MAMDC4: variants seen among roughly 807,000 people sequenced by gnomAD.
MAMDC4 encodes apical endosomal glycoprotein.
In MAMDC4, 168 loss-of-function variants were observed where a neutral mutation model predicts 153.3. That is an observed-to-expected ratio of 1.10 (90% confidence interval 0.97 to 1.25). The LOEUF is 1.25. Ranked by LOEUF, MAMDC4 falls within the 50% of genes most tolerant of loss-of-function variation. The pLI, the probability that MAMDC4 is intolerant of heterozygous loss-of-function variation, is 0.00. For synonymous variants in MAMDC4, 744 were observed against 651.5 expected, an observed-to-expected ratio of 1.14 and a Z score of -2.16; for missense variants, 1,701 against 1,542.8, an observed-to-expected ratio of 1.10 and a Z score of -1.72.
At chr9:136,857,103 C>G in intron 16 of MAMDC4, 62 bp downstream of exon 16, 1 of 1,603,894 alleles carries the variant, frequency 6.2e-7, no homozygotes, top group Non-Finnish European at 8.5e-7. Flanking sequence ...CAGAGTCCCC[C>G]GCTCTGACAC....
rs548682998 is a variant in MAMDC4, at chr9:136,852,573, A to G, written c.46+111A>G. 2.9e-6 allele frequency: 4 copies of G among 1,383,956 alleles called. No individual in the cohort carries two copies. In the East Asian group the frequency reaches 6.9e-5, roughly 24 times the overall value. 85.7% of individuals were successfully genotyped at this position (1,383,956 alleles called of 1,614,324 possible). Reference sequence around the variant, plus strand: ...GGCTGATGCCTGAGCCCCAAAGGGAAGGAGGGTTGCAAGGTACTACCTTGG... The same window carrying G: ...GGCTGATGCCTGAGCCCCAAAGGGAGGGAGGGTTGCAAGGTACTACCTTGG... On this transcript the variant is annotated intron_variant, in intron 1 of 26. Coordinates refer to ENST00000317446, the MANE Select transcript of MAMDC4 (RefSeq NM_206920.3).
In MAMDC4 at chr9:136,855,501, G is replaced by T. The variant is rs780222733; in HGVS notation, c.1353G>T (p.Ser451=). Residue 451 remains serine (S), a synonymous_variant, in exon 12 of 27, where the codon TCG becomes TCT. Transcript: ENST00000317446. ...CCCCCCAGCCCCTGCCGCCCAGCTCGCGGCTCCAGGATTCCTGCAAGCAGG... is the reference window on the plus strand; with the variant it reads ...CCCCCCAGCCCCTGCCGCCCAGCTCTCGGCTCCAGGATTCCTGCAAGCAGG... ...APAPQPLPPS[S]RLQDSCKQGH... 6.3e-7 allele frequency: 1 copy of T among 1,595,830 alleles called. No individual in the cohort carries two copies. Among genetic ancestry groups the T allele is most frequent in the South Asian group, 1.1e-5 (1 of 89,004 alleles).
In MAMDC4 at chr9:136,860,785, A is replaced by G. The variant is rs1849079973; in HGVS notation, c.*182A>G. The G allele has an allele frequency of 1.6e-6, 1 of 622,238 alleles. No homozygotes were observed. Among genetic ancestry groups the G allele is most frequent in the Non-Finnish European group, 2.8e-6 (1 of 361,624 alleles). The allele number at this position is 622,238 out of a possible 1,614,324, so 38.5% of individuals were successfully genotyped here. On this transcript the variant is annotated 3_prime_UTR_variant, in exon 27 of 27. Coordinates refer to ENST00000317446, the MANE Select transcript of MAMDC4 (RefSeq NM_206920.3). ...GCTCTGTGAATAAACACCCTGGCCCATGAGGGCAGCCCAAGCTCCCAGGGT... is the reference window on the plus strand; with the variant it reads ...GCTCTGTGAATAAACACCCTGGCCCGTGAGGGCAGCCCAAGCTCCCAGGGT...
In MAMDC4 at chr9:136,854,622, G is replaced by T. The variant is rs748900951; in HGVS notation, c.880G>T (p.Gly294Cys). 41 of 1,607,844 alleles carry T rather than the reference G, an allele frequency of 2.5e-5. 1 individual carries two copies. The highest frequency in any genetic ancestry group is 3.5e-5 in the Non-Finnish European group (41 of 1,178,062). The change falls in exon 8 of 27, where the codon GGT becomes TGT. Residue 294 changes from glycine (G) to cysteine (C), a missense_variant. Gly to Cys is a radical substitution (Grantham distance 159). Coordinates refer to ENST00000317446, the MANE Select transcript of MAMDC4 (RefSeq NM_206920.3). ...CTGGTCCCGGAACCACCGCGCTGGT[G>T]GTCCTGAGCGCCCCTCCTGGCCACG... ...EGWSRNHRAG[G>C]PERPSWPRRD...
In MAMDC4 at chr9:136,855,730, A is replaced by AG; in HGVS notation, c.1472dup. 1 of 1,575,622 alleles carries AG rather than the reference A, an allele frequency of 6.3e-7. No homozygotes were observed. The highest frequency in any genetic ancestry group is 8.6e-7 in the Non-Finnish European group (1 of 1,161,768). On this transcript the variant is annotated splice_acceptor_variant, in intron 12 of 26. Transcript: ENST00000317446. LOFTEE classifies it high-confidence loss of function. ...GCCATTCAGTGCCGGCTGCTGTTCCAGGCACCACAGACTTTGAGTCCCCCG... is the reference window on the plus strand; with the variant it reads ...GCCATTCAGTGCCGGCTGCTGTTCCAGGGCACCACAGACTTTGAGTCCCCCG...
chr9:136,859,622 G>A (rs1327002061), intron 25 of MAMDC4: 15 of 591,872 alleles, frequency 2.5e-5, no homozygotes, highest in East Asian at 5.8e-5. Flanking sequence ...ACCGCCAGCC[G>A]GGTCAGGGCA....
At chr9:136,857,615 GAGGGGCTGGCC>G (rs745668777) in intron 18 of MAMDC4, 29 bp downstream of exon 18, 10 of 1,612,492 alleles carry the variant, frequency 6.2e-6, no homozygotes, top group African/African-American at 2.7e-5. Flanking sequence ...GGCAGGGATT[GAGGGGCTGGCC>G]AGGGGCTGGC....
At position 136,858,773 on chromosome 9, in the gene MAMDC4, G is replaced by T. The variant is rs755642907; in HGVS notation, c.2876G>T (p.Trp959Leu). ...CTGGGCCCCGGGGGCCGGGCCGCCT[G>T]GCTGCGCAGCGAGCCTCTGCCGGCC... ...GVLGPGGRAA[W>L]LRSEPLPATP... Residue 959 changes from tryptophan to leucine, a missense_variant, in exon 23 of 27, where the codon TGG becomes TTG. Transcript: ENST00000317446. 1 of 1,610,790 alleles carries T rather than the reference G, an allele frequency of 6.2e-7. No homozygotes were observed. Among genetic ancestry groups the T allele is most frequent in the Admixed American group, 1.7e-5 (1 of 59,642 alleles).
rs762733709 is a variant in MAMDC4, at chr9:136,855,591, C to T, written c.1443C>T (p.Cys481=). 1.7e-5 allele frequency: 27 copies of T among 1,586,800 alleles called. No individual in the cohort carries two copies. The Admixed American group carries it at 2.1e-4, about 13-fold the overall frequency. The part of the protein sequence containing the change: ...PEQLCDFEEQ[C]AGGEDEQACG... ...AACTGTGTGACTTCGAGGAGCAGTG[C>T]GCAGGGGGCGAGGACGAGCAGGCCT... is the stretch of plus-strand genomic sequence containing the variant. The change falls in exon 12 of 27, where the codon TGC becomes TGT. Residue 481 remains cysteine, a synonymous_variant. Coordinates refer to ENST00000317446, the MANE Select transcript of MAMDC4 (RefSeq NM_206920.3).
At chr9:136,854,510 G>A (rs754062585) in intron 7 of MAMDC4, 29 bp from the exon 8 acceptor site, 1 of 1,586,882 alleles carries the variant, frequency 6.3e-7, no homozygotes, top group East Asian at 2.3e-5. Flanking sequence ...ACTGCCTGGT[G>A]GCCCTGACAC....
rs199846019 is a variant in MAMDC4 at position 136,853,812 on chromosome 9, G to A, written c.490G>A (p.Ala164Thr). ...AELRVELTHGAETLTLWQSTG... is the reference protein window; with the variant it reads ...AELRVELTHGTETLTLWQSTG... ...ACTGCGGGTGGAGCTGACCCATGGCGCAGAGACCCTGACCCTGTGGCAGAG... is the reference window on the plus strand; with the variant it reads ...ACTGCGGGTGGAGCTGACCCATGGCACAGAGACCCTGACCCTGTGGCAGAG... The change falls in exon 5 of 27, where the codon GCA (alanine) becomes ACA (threonine). Residue 164 changes from alanine (A) to threonine (T), a missense_variant. Coordinates refer to ENST00000317446, the MANE Select transcript of MAMDC4 (RefSeq NM_206920.3). 83 of 1,612,050 alleles carry A rather than the reference G, an allele frequency of 5.1e-5. No homozygotes were observed. Among genetic ancestry groups the A allele is most frequent in the Middle Eastern group, 3.3e-4 (2 of 6,050 alleles).
rs909249544 is a variant in MAMDC4 at position 136,857,946 on chromosome 9, C to G, written c.2465-33C>G. ...GACCAGGGCCTGCAGGTGCTCTCCCCACACTGCTGACCTGGGCCGCCCCTG... is the reference window on the plus strand; with the variant it reads ...GACCAGGGCCTGCAGGTGCTCTCCCGACACTGCTGACCTGGGCCGCCCCTG... On this transcript the variant is annotated intron_variant, in intron 19 of 26. Transcript: ENST00000317446. 1.0e-5 allele frequency: 15 copies of G among 1,482,520 alleles called. No individual in the cohort carries two copies. In the African/African-American group the frequency reaches 1.4e-4, roughly 14 times the overall value. The allele number at this position is 1,482,520 out of a possible 1,614,324, so 91.8% of individuals were successfully genotyped here.
At position 136,855,047 on chromosome 9, in the gene MAMDC4, A is replaced by C; in HGVS notation, c.1134A>C (p.Arg378=). The stretch of plus-strand genomic sequence containing the variant: ...CCCCCGTCCTGCTGCGGAGGCGCCG[A>C]GGGGAGCTGGGGACCGCCTGGGTCC... The part of the protein sequence containing the change: ...PRAPVLLRRR[R]GELGTAWVRD... The change falls in exon 10 of 27, where the codon CGA becomes CGC. Residue 378 remains arginine (R), a synonymous_variant. Transcript: ENST00000317446. 1 of 1,606,560 alleles carries C rather than the reference A, an allele frequency of 6.2e-7. No homozygotes were observed. The highest frequency in any genetic ancestry group is 8.5e-7 in the Non-Finnish European group (1 of 1,177,942).
At position 136,856,925 on chromosome 9, in the gene MAMDC4, A is replaced by G. The variant is rs747193874; in HGVS notation, c.1856A>G (p.Asp619Gly). The change falls in exon 16 of 27, where the codon GAC (aspartate) becomes GGC (glycine). Residue 619 changes from aspartate (D) to glycine (G), a missense_variant. By Grantham distance (94) the Asp-to-Gly change is moderately conservative (BLOSUM62 -1). Transcript: ENST00000317446. ...TTGQGHFVLL[D>G]PTDPLAWGHS... ...CCTGCAGGCCACTTTGTGCTCCTGG[A>G]CCCCACAGACCCCCTGGCCTGGGGC... The G allele has an allele frequency of 2.5e-5, 41 of 1,609,350 alleles. No homozygotes were observed. The highest frequency in any genetic ancestry group is 3.2e-5 in the Non-Finnish European group (38 of 1,177,610).
chr9:136,859,286 G>A lies in MAMDC4; in HGVS notation c.3162G>A (p.Gly1054=), dbSNP rs757453403. Residue 1054 remains glycine (G), a synonymous_variant, in exon 25 of 27, where the codon GGG becomes GGA. Transcript: ENST00000317446. The part of the protein sequence containing the change: ...IALDDVEYLA[G]QHCQQPAPSP... ...TGGATGACGTGGAGTATCTGGCTGG[G>A]CAGCATTGCCAGCAGCCTGCCCCCA... 7 of 1,611,886 alleles carry A rather than the reference G, an allele frequency of 4.3e-6. No homozygotes were observed. Among genetic ancestry groups the A allele is most frequent in the Non-Finnish European group, 5.9e-6 (7 of 1,179,450 alleles).
At position 136,854,207 on chromosome 9, in the gene MAMDC4, C is replaced by A. The variant is rs1848968890; in HGVS notation, c.671-4C>A. On this transcript the variant is annotated splice_region_variant and splice_polypyrimidine_tract_variant and intron_variant, in intron 6 of 26. Coordinates refer to ENST00000317446, the MANE Select transcript of MAMDC4 (RefSeq NM_206920.3). ...CGGTGAAGGGTTAACCCTGCCCCAC[C>A]CAGCCCCCCAGGCCAACTGTCCCCC... The A allele has an allele frequency of 2.5e-6, 4 of 1,612,092 alleles. No homozygotes were observed. In the East Asian group the frequency reaches 8.9e-5, roughly 36 times the overall value.
In MAMDC4 at chr9:136,859,027, G is replaced by T; in HGVS notation, c.2979G>T (p.Leu993=). The change falls in exon 24 of 27, where the codon CTG becomes CTT. Residue 993 remains leucine, a synonymous_variant. Transcript: ENST00000317446. ...EHFYKGELKV[L]LHSAQGQLAV... ...CAGACAAGGGGGAGCTGAAGGTACTGCTGCACAGTGCTCAGGGCCAGCTGG... is the reference window on the plus strand; with the variant it reads ...CAGACAAGGGGGAGCTGAAGGTACTTCTGCACAGTGCTCAGGGCCAGCTGG... 1 of 1,548,208 alleles carries T rather than the reference G, an allele frequency of 6.5e-7. No homozygotes were observed. Among genetic ancestry groups the T allele is most frequent in the Non-Finnish European group, 8.7e-7 (1 of 1,145,510 alleles).
At chr9:136,856,377 T>TCACCCGGAAGGG in intron 14 of MAMDC4, 1 of 859,844 alleles carries the variant, frequency 1.2e-6, no homozygotes, top group Non-Finnish European at 2.0e-6. Context: ...CGCCGGCCCT[T>TCACCCGGAAGGG]CCGGGTGAGG....
rs376109116 is a variant in MAMDC4, at chr9:136,854,312, T to C, written c.772T>C (p.Ser258Pro). ...CDGEDNCGDL[S>P]DENPLTCGRH... Reference sequence around the variant, plus strand: ...CGGGGAAGACAACTGCGGGGACCTGTCTGATGAGAACCCACTCACCTGTGG... The same window carrying C: ...CGGGGAAGACAACTGCGGGGACCTGCCTGATGAGAACCCACTCACCTGTGG... Residue 258 changes from serine (S) to proline (P), a missense_variant, in exon 7 of 27, where the codon TCT becomes CCT. Physicochemically the swap from Ser to Pro is moderately conservative, Grantham distance 74. Coordinates refer to ENST00000317446, the MANE Select transcript of MAMDC4 (RefSeq NM_206920.3). 2.5e-6 allele frequency: 4 copies of C among 1,589,520 alleles called. No homozygotes were observed. The African/African-American group carries it at 5.4e-5, about 21-fold the overall frequency.
Sources: allele counts gnomAD v4.1 joint callset, GRCh38; gene constraint gnomAD v4.1.1; transcripts MANE v1.5; gene names NCBI Gene and HGNC (gene_info 2026-07-23, HGNC 2026-07-21).